ZBTB7C: variants seen among roughly 807,000 people sequenced by gnomAD.
The protein encoded by ZBTB7C is zinc finger and BTB domain-containing protein 7C.
ZBTB7C carries 8 observed loss-of-function variants against 25.7 expected under a neutral mutation model. The ratio of observed to expected loss-of-function variants is 0.31; its 90% CI spans 0.18 to 0.56. The LOEUF (loss-of-function observed/expected upper bound fraction) is 0.56, where lower values mean the gene tolerates loss of function less well. ZBTB7C is among the 20% of genes least tolerant of loss of function. The pLI, the probability that ZBTB7C is intolerant of heterozygous loss-of-function variation, is 0.91. For synonymous variants in ZBTB7C, 394 were observed against 369.0 expected (o/e 1.07, Z -0.78); for missense variants, 824 against 855.2 (o/e 0.96, Z 0.46).
At chr18:48,389,445 C>T (rs2047844790) in intron 1 of ZBTB7C, among the ~76,000 whole-genome samples, 2 of 139,982 alleles carry the variant, frequency 1.4e-5, no homozygotes, top group Admixed American at 7.1e-5. Context: ...AGGCCCTTTA[C>T]TTTCATGACT....
At chr18:48,115,279 T>C (rs1450907681) in intron 3 of ZBTB7C, among the ~76,000 whole-genome samples, 1 of 152,182 alleles carries the variant, frequency 6.6e-6, no homozygotes, top group East Asian at 1.9e-4. Flanking sequence ...GACGGAGTCT[T>C]GCTCTGTCGC....
At chr18:48,324,929 A>G (rs1365121715) in intron 2 of ZBTB7C, among the ~76,000 whole-genome samples, 1 of 152,150 alleles carries the variant, frequency 6.6e-6, no homozygotes, top group East Asian at 1.9e-4. Context: ...GGGCAGAGCC[A>G]CCGTGGATGT....
intron 2 of ZBTB7C, among the ~76,000 whole-genome samples, chr18:48,299,590 C>A (rs960356604): frequency 6.6e-6 from 1 of 152,118 alleles, no homozygotes; most frequent in Non-Finnish European, 1.5e-5. Flanking sequence ...CACAGGGAGT[C>A]GTGGATGGGA....
intron 3 of ZBTB7C, among the ~76,000 whole-genome samples, chr18:48,082,489 A>G (rs917531616): frequency 1.3e-5 from 2 of 152,172 alleles, no homozygotes; most frequent in African/African-American, 4.8e-5. Flanking sequence ...CAATGCTGGA[A>G]CTGCCTGACA....
chr18:48,033,478 G>T (rs761463914), intron 4 of ZBTB7C, among the ~76,000 whole-genome samples: 1 of 152,244 alleles, frequency 6.6e-6, no homozygotes, highest in Non-Finnish European at 1.5e-5. Flanking sequence ...GAAGACTGGG[G>T]TATGCCAATG....
intron 3 of ZBTB7C, among the ~76,000 whole-genome samples, chr18:48,178,925 C>A (rs77215860): frequency 6.6e-6 from 1 of 152,176 alleles, no homozygotes; most frequent in Non-Finnish European, 1.5e-5. Context: ...ACCTCTCCCC[C>A]ACCAAGGGTG....
chr18:48,241,620 G>A (rs1321905797), intron 2 of ZBTB7C, among the ~76,000 whole-genome samples: 4 of 152,112 alleles, frequency 2.6e-5, no homozygotes, highest in Non-Finnish European at 5.9e-5. Context: ...GTACAACAAT[G>A]AAATCAAGAT....
intron 3 of ZBTB7C, among the ~76,000 whole-genome samples, chr18:48,085,966 C>T (rs547625803): frequency 2.6e-5 from 4 of 152,284 alleles, no homozygotes; most frequent in South Asian, 2.1e-4. Flanking sequence ...GGCTGGGCAG[C>T]GGAGCCACCT....
At chr18:48,305,374 G>A (rs1023763496) in intron 2 of ZBTB7C, among the ~76,000 whole-genome samples, 2 of 152,188 alleles carry the variant, frequency 1.3e-5, no homozygotes, top group African/African-American at 4.8e-5. Context: ...TCCCCAGGAT[G>A]GTTCTGCTCA....
chr18:48,364,393 G>A (rs1452913508), intron 1 of ZBTB7C, among the ~76,000 whole-genome samples: 1 of 152,188 alleles, frequency 6.6e-6, no homozygotes, highest in African/African-American at 2.4e-5. Flanking sequence ...CCACCCACAG[G>A]AGGCAGCATT....
At chr18:48,381,923 A>G (rs1326265774) in intron 1 of ZBTB7C, among the ~76,000 whole-genome samples, 1 of 152,262 alleles carries the variant, frequency 6.6e-6, no homozygotes, top group East Asian at 1.9e-4. Context: ...CTCACATGCC[A>G]CTGACCAAGT....
intron 3 of ZBTB7C, among the ~76,000 whole-genome samples, chr18:48,045,338 T>C (rs553886016): frequency 6.6e-6 from 1 of 152,284 alleles, no homozygotes; most frequent in African/African-American, 2.4e-5. Context: ...TCTGTGTAAG[T>C]TTTGGTGGTG....
At chr18:48,342,374 T>C (rs1424143573) in intron 1 of ZBTB7C, among the ~76,000 whole-genome samples, 4 of 152,164 alleles carry the variant, frequency 2.6e-5, no homozygotes, top group African/African-American at 9.7e-5. Context: ...TCCCAGGCCT[T>C]CTCTGCCACA....
intron 3 of ZBTB7C, among the ~76,000 whole-genome samples, chr18:48,138,137 AGGTGCTT>A (rs1017810675): frequency 1.2e-4 from 18 of 152,256 alleles, no homozygotes; most frequent in African/African-American, 4.3e-4. Context: ...GAGTCCAACG[AGGTGCTT>A]GGCCTTCCAT....
chr18:48,051,400 A>G (rs2036681378), intron 3 of ZBTB7C, among the ~76,000 whole-genome samples: 1 of 152,284 alleles, frequency 6.6e-6, no homozygotes, highest in Admixed American at 6.5e-5. Flanking sequence ...CCCTTCGTCT[A>G]TGTAGAGGCT....
chr18:48,139,373 C>G (rs2040271473), intron 3 of ZBTB7C, among the ~76,000 whole-genome samples: 1 of 152,052 alleles, frequency 6.6e-6, no homozygotes, highest in Non-Finnish European at 1.5e-5. Flanking sequence ...CTTTTCAAAC[C>G]CAGCTGGAGC....
intron 2 of ZBTB7C, among the ~76,000 whole-genome samples, chr18:48,275,000 C>A (rs777039461): frequency 7.9e-5 from 12 of 152,220 alleles, no homozygotes; most frequent in African/African-American, 1.4e-4. Flanking sequence ...TAGGGACTTA[C>A]TCTGGGGGCT....
Position 48,139,891 on chromosome 18 carries a change from C to T in ZBTB7C, c.-17+46043G>A, listed in dbSNP as rs117324142. 1.4e-4 allele frequency among the ~76,000 whole-genome samples: 21 copies of T among 152,268 alleles called. No individual in the cohort carries two copies. In the East Asian group the frequency reaches 3.9e-3, roughly 28 times the overall value. The stretch of plus-strand genomic sequence containing the variant: ...TTGGGCCTGGATTCCTTCCTAGGCC[C>T]TCTTTGGCCTCCTCCTCCTCCTCAG... On this transcript the variant is annotated intron_variant, in intron 3 of 4. Transcript: ENST00000590800.
intron 3 of ZBTB7C, among the ~76,000 whole-genome samples, chr18:48,168,693 C>T (rs967797811): frequency 3.3e-5 from 5 of 152,170 alleles, no homozygotes; most frequent in African/African-American, 1.2e-4. Flanking sequence ...GACTTGAAAG[C>T]TTATCACCTG....
Sources: gnomAD v4.1 joint callset for allele counts (sites outside exome capture counted in the v4.1 genomes callset) on GRCh38, gnomAD v4.1.1 for gene constraint, MANE v1.5 for transcripts, NCBI Gene and HGNC (gene_info 2026-07-23, HGNC 2026-07-21) for gene names.